The following MAGI2 variants were observed in gnomAD, a reference collection of about 807,000 sequenced individuals.
MAGI2 encodes membrane-associated guanylate kinase, WW and PDZ domain-containing protein 2.
MAGI2 carries 35 observed loss-of-function variants against 133.3 expected under a neutral mutation model. The observed-to-expected ratio is 0.26, with a 90% CI of 0.20 to 0.35. MAGI2 has a LOEUF of 0.35. Among genes scored for constraint, MAGI2 ranks in the 10% least tolerant of loss-of-function variants. The pLI, the probability that MAGI2 is intolerant of heterozygous loss-of-function variation, is 1.00. For missense variants in MAGI2, 1,636 were observed against 1,863.4 expected (o/e 0.88, Z 2.25); for synonymous variants, 729 against 710.6 (o/e 1.03, Z -0.41).
intron 1 of MAGI2, among the ~76,000 whole-genome samples, chr7:79,314,402 C>A (rs1838545083): frequency 6.6e-6 from 1 of 152,188 alleles, no homozygotes; most frequent in Admixed American, 6.5e-5. Context: ...AGCCACCGTG[C>A]CTGGCCTATT....
Position 78,134,990 on chromosome 7 carries a change from G to A in MAGI2, c.3031+31C>T, listed in dbSNP as rs199520660. On this transcript the variant is annotated intron_variant, in intron 17 of 21. Transcript: ENST00000354212. Reference sequence around the variant, plus strand: ...CGGTGAGTGTGTCCATGTGTTGGCCGCCTCTCTGCAAGGCTGCCTCAGGCA... The same window carrying A: ...CGGTGAGTGTGTCCATGTGTTGGCCACCTCTCTGCAAGGCTGCCTCAGGCA... 209 of 1,601,478 alleles carry A rather than the reference G, an allele frequency of 1.3e-4. No individual in the cohort carries two copies. The African/African-American group carries it at 1.9e-3, about 14-fold the overall frequency.
chr7:78,737,020 G>C (rs891405656), intron 2 of MAGI2, among the ~76,000 whole-genome samples: 4 of 152,182 alleles, frequency 2.6e-5, no homozygotes, highest in Admixed American at 1.3e-4. Flanking sequence ...ATGAATGACT[G>C]ACAGATAAAC....
At chr7:79,098,533 G>A (rs1817704834) in intron 1 of MAGI2, among the ~76,000 whole-genome samples, 1 of 152,188 alleles carries the variant, frequency 6.6e-6, no homozygotes, top group African/African-American at 2.4e-5. Flanking sequence ...TGGAGTGTGT[G>A]AGTTTGGATA....
At chr7:78,188,201 G>C (rs145627529) in intron 12 of MAGI2, among the ~76,000 whole-genome samples, 2 of 152,090 alleles carry the variant, frequency 1.3e-5, no homozygotes, top group African/African-American at 4.8e-5. Context: ...AAATATAAAC[G>C]TTACCACAGT....
chr7:78,165,059 T>C (rs1437517311), intron 15 of MAGI2, among the ~76,000 whole-genome samples: 1 of 152,218 alleles, frequency 6.6e-6, no homozygotes, highest in East Asian at 1.9e-4. Context: ...GGCAATTTAT[T>C]ATCCATAGTT....
At chr7:78,362,766 G>C (rs540211714) in intron 7 of MAGI2, among the ~76,000 whole-genome samples, 1 of 152,294 alleles carries the variant, frequency 6.6e-6, no homozygotes, top group African/African-American at 2.4e-5. Flanking sequence ...GGAGTTTACT[G>C]ATTTATGCTT....
chr7:78,478,666 C>A (rs1792035234), intron 6 of MAGI2, among the ~76,000 whole-genome samples: 1 of 151,916 alleles, frequency 6.6e-6, no homozygotes, highest in South Asian at 2.1e-4. Context: ...TCTCCAAATA[C>A]AGCTAAATAC....
chr7:79,382,666 A>T (rs1843877070), intron 1 of MAGI2, among the ~76,000 whole-genome samples: 1 of 151,712 alleles, frequency 6.6e-6, no homozygotes, highest in South Asian at 2.1e-4. Context: ...GGTACCTGGC[A>T]TATGGTCACT....
chr7:78,788,830 A>G (rs1202867939), intron 2 of MAGI2, among the ~76,000 whole-genome samples: 2 of 152,124 alleles, frequency 1.3e-5, no homozygotes, highest in African/African-American at 2.4e-5. Context: ...TGTTACTCCA[A>G]TGATTTAAGT....
chr7:78,336,767 C>A (rs1393490791), intron 9 of MAGI2, among the ~76,000 whole-genome samples: 13 of 147,778 alleles, frequency 8.8e-5, no homozygotes, highest in Non-Finnish European at 1.9e-4. Context: ...AAGAAAGAAG[C>A]AAGAAGAAGA....
At chr7:78,922,163 A>T (rs1408698280) in intron 2 of MAGI2, among the ~76,000 whole-genome samples, 14 of 141,886 alleles carry the variant, frequency 9.9e-5, no homozygotes, top group South Asian at 2.3e-4. Flanking sequence ...TTTATTTTTT[A>T]TTTTTTTTTT....
intron 2 of MAGI2, among the ~76,000 whole-genome samples, chr7:78,774,565 G>A (rs1989977): frequency 0.9 from 136,750 of 152,184 alleles, 61,527 homozygotes; most frequent in East Asian, 1. Context: ...TGCCTTGTCA[G>A]TTCTCATGTC....
intron 6 of MAGI2, among the ~76,000 whole-genome samples, chr7:78,419,596 A>C (rs528374000): frequency 1.9e-5 from 1 of 53,136 alleles, no homozygotes; most frequent in South Asian, 8.0e-4. Flanking sequence ...GGGATTGAGC[A>C]GTGATTTTTT....
intron 2 of MAGI2, among the ~76,000 whole-genome samples, chr7:78,919,474 G>A (rs888777231): frequency 6.6e-6 from 1 of 151,954 alleles, no homozygotes; most frequent in Non-Finnish European, 1.5e-5. Context: ...AACTATTTAC[G>A]ATAGGAGAAA....
chr7:79,185,198 G>A (rs1826969102), intron 1 of MAGI2, among the ~76,000 whole-genome samples: 2 of 151,766 alleles, frequency 1.3e-5, no homozygotes, highest in Non-Finnish European at 2.9e-5. Flanking sequence ...GACAATTTCA[G>A]AAAGAAAAGG....
At chr7:79,289,436 G>A (rs1836284982) in intron 1 of MAGI2, among the ~76,000 whole-genome samples, 1 of 152,082 alleles carries the variant, frequency 6.6e-6, no homozygotes, top group African/African-American at 2.4e-5. Flanking sequence ...TTGAGGGCAA[G>A]GTCATGAGAT....
At chr7:78,242,042 G>A (rs1368824813) in intron 10 of MAGI2, among the ~76,000 whole-genome samples, 1 of 152,074 alleles carries the variant, frequency 6.6e-6, no homozygotes, top group African/African-American at 2.4e-5. Flanking sequence ...GAATAGCAAG[G>A]GCAGAATGTC....
At chr7:78,573,314 A>T (rs867282541) in intron 3 of MAGI2, among the ~76,000 whole-genome samples, 4,114 of 47,490 alleles carry the variant, frequency 0.087, 268 homozygotes, top group Non-Finnish European at 0.13. Flanking sequence ...ATATATATAA[A>T]TATATAAATA....
chr7:78,750,234 G>A (rs963760952), intron 2 of MAGI2, among the ~76,000 whole-genome samples: 1 of 152,146 alleles, frequency 6.6e-6, no homozygotes, highest in East Asian at 1.9e-4. Flanking sequence ...CGGCTGGATA[G>A]TATTCCATGG....
Sources: allele counts gnomAD v4.1 joint callset (sites outside exome capture counted in the v4.1 genomes callset), GRCh38; gene constraint gnomAD v4.1.1; transcripts MANE v1.5; gene names NCBI Gene and HGNC (gene_info 2026-07-23, HGNC 2026-07-21).